Variants in KLHL36 observed in about 807,000 individuals in gnomAD.
KLHL36 encodes the protein kelch-like protein 36.
KLHL36 carries 35 observed loss-of-function variants against 53.3 expected under a neutral mutation model. That is an observed-to-expected ratio of 0.66 (90% CI 0.50 to 0.87). The LOEUF is 0.87. Among genes scored for constraint, KLHL36 ranks in the 40% least tolerant of loss-of-function variants. KLHL36 has a pLI of 0.00. For missense variants in KLHL36, 864 were observed against 897.6 expected (o/e 0.96, Z 0.48); for synonymous variants, 472 against 398.9 (o/e 1.18, Z -2.18).
chr16:84,659,796 C>G lies in KLHL36; in HGVS notation c.1174C>G (p.Leu392Val). The G allele has an allele frequency of 6.2e-7, 1 of 1,614,194 alleles. No individual in the cohort carries two copies. Among genetic ancestry groups the G allele is most frequent in the Non-Finnish European group, 8.5e-7 (1 of 1,180,028 alleles). ...SMNQRRVDFY[L>V]ASIEDMLVAI... ...GAACCAGCGCCGTGTGGATTTCTACCTTGCCTCCATCGAAGACATGCTGGT... is the reference window on the plus strand; with the variant it reads ...GAACCAGCGCCGTGTGGATTTCTACGTTGCCTCCATCGAAGACATGCTGGT... The change falls in exon 4 of 5, where the codon CTT becomes GTT. Residue 392 changes from leucine to valine, a missense_variant. Coordinates refer to ENST00000564996, the MANE Select transcript of KLHL36 (RefSeq NM_024731.4).
chr16:84,658,692 G>T (rs1377448684), intron 3 of KLHL36: 2 of 152,308 alleles, frequency 1.3e-5, no homozygotes, highest in East Asian at 3.8e-4. Flanking sequence ...CGTAGGGAAG[G>T]TGTCTCCTTT....
intron 1 of KLHL36, 29 bp from the exon 2 acceptor site, chr16:84,650,823 C>A: frequency 6.6e-7 from 1 of 1,516,192 alleles, no homozygotes; most frequent in Non-Finnish European, 9.1e-7. Flanking sequence ...GTTATGACTG[C>A]ATGCTCAGAA....
At chr16:84,660,061 A>G in intron 4 of KLHL36, 144 bp downstream of exon 4, 1 of 847,382 alleles carries the variant, frequency 1.2e-6, no homozygotes, top group Non-Finnish European at 1.9e-6. Context: ...TGGGTACACC[A>G]TGAGGGGCGG....
At chr16:84,652,945 C>A (rs1160857741) in intron 2 of KLHL36, among the ~76,000 whole-genome samples, 1 of 152,086 alleles carries the variant, frequency 6.6e-6, no homozygotes. Context: ...CAGCCAGGCA[C>A]AGTGGCTCAC....
At chr16:84,660,037 C>T in intron 4 of KLHL36, 120 bp downstream of exon 4, 7 of 1,033,200 alleles carry the variant, frequency 6.8e-6, no homozygotes, top group Non-Finnish European at 1.0e-5. Context: ...AATCTTCCGG[C>T]TTGTCAGGAA....
In KLHL36 at chr16:84,661,762, A is replaced by G. The variant is rs1187902584; in HGVS notation, c.1480A>G (p.Ser494Gly). Reference protein sequence around the residue: ...GWHSMCSLGDSIYSIGGSDDN... With the variant: ...GWHSMCSLGDGIYSIGGSDDN... ...GCACAGCATGTGCAGCCTGGGTGAC[A>G]GCATCTACTCCATCGGGGGCAGCGA... Residue 494 changes from serine (S) to glycine (G), a missense_variant, in exon 5 of 5, where the codon AGC becomes GGC. By Grantham distance (56) the Ser-to-Gly change is moderately conservative. Coordinates refer to ENST00000564996, the MANE Select transcript of KLHL36 (RefSeq NM_024731.4). This position sits in a 1 kb window ranked among gnomAD's most constrained non-coding sequence, Gnocchi z 7.9. 2 of 1,613,488 alleles carry G rather than the reference A, an allele frequency of 1.2e-6. No individual in the cohort carries two copies. The highest frequency in any genetic ancestry group is 1.7e-5 in the Admixed American group (1 of 60,000).
chr16:84,658,930 C>G (rs1184001086), intron 3 of KLHL36: 1 of 152,080 alleles, frequency 6.6e-6, no homozygotes, highest in Non-Finnish European at 1.5e-5. Flanking sequence ...CTCCCGAAGC[C>G]TGGCAGCAGT....
chr16:84,651,743 T>C (rs1323957258), intron 2 of KLHL36, among the ~76,000 whole-genome samples: 1 of 152,192 alleles, frequency 6.6e-6, no homozygotes, highest in African/African-American at 2.4e-5. Context: ...GAAGGAATTT[T>C]ACTCCTTTTA....
intron 2 of KLHL36, among the ~76,000 whole-genome samples, chr16:84,651,234 G>T (rs1906856448): frequency 6.6e-6 from 1 of 152,280 alleles, no homozygotes; most frequent in South Asian, 2.1e-4. Context: ...GGGACAGGAA[G>T]AAAACTGGGA....
chr16:84,659,393 A>T (rs1216316223), intron 3 of KLHL36: 1 of 211,460 alleles, frequency 4.7e-6, no homozygotes, highest in Non-Finnish European at 9.7e-6. Context: ...TGATGTGGGG[A>T]GAGGAAAGAT....
Position 84,661,513 on chromosome 16 carries a change from C to T in KLHL36, c.1296-65C>T. 2.0e-6 allele frequency: 3 copies of T among 1,480,138 alleles called. No homozygotes were observed. The highest frequency in any genetic ancestry group is 4.3e-5 in the Admixed American group (2 of 46,144). 91.7% of individuals were successfully genotyped at this position (1,480,138 alleles called of 1,614,324 possible). On this transcript the variant is annotated intron_variant, in intron 4 of 4. Transcript: ENST00000564996. This position sits in a 1 kb window ranked among gnomAD's most constrained non-coding sequence, Gnocchi z 7.9. The stretch of plus-strand genomic sequence containing the variant: ...TCTAAGACGGCAGGCTGTTCCCCGG[C>T]TCGGAGGGGGTAAGCCTGGCACAGC...
rs370047546 is a variant in KLHL36, at chr16:84,657,581, C to A, written c.774C>A (p.Pro258=). 139 of 1,610,932 alleles carry A rather than the reference C, an allele frequency of 8.6e-5. No individual in the cohort carries two copies. The highest frequency in any genetic ancestry group is 1.5e-4 in the Admixed American group (9 of 59,990). Residue 258 remains proline (P), a synonymous_variant, in exon 3 of 5, where the codon CCC becomes CCA. Coordinates refer to ENST00000564996, the MANE Select transcript of KLHL36 (RefSeq NM_024731.4). ...RVKPAVCSLL[P]KEANCEGFIE... The stretch of plus-strand genomic sequence containing the variant: ...AGCCGGCCGTGTGCTCGCTGCTGCC[C>A]AAGGAGGCCAACTGCGAGGGCTTCA...
intron 2 of KLHL36, among the ~76,000 whole-genome samples, chr16:84,654,221 G>A (rs910477567): frequency 3.3e-5 from 5 of 152,206 alleles, no homozygotes; most frequent in African/African-American, 7.2e-5. Flanking sequence ...CCTCATATGC[G>A]TCTCTCAGGC....
At position 84,657,222 on chromosome 16, in the gene KLHL36, C is replaced by T. The variant is rs756336495; in HGVS notation, c.415C>T (p.Leu139=). 1.2e-6 allele frequency: 2 copies of T among 1,614,204 alleles called. No individual in the cohort carries two copies. Among genetic ancestry groups the T allele is most frequent in the Admixed American group, 1.7e-5 (1 of 60,028 alleles). The stretch of plus-strand genomic sequence containing the variant: ...GGTGGTAGACTTCTGCTGTGAGTAC[C>T]TGGAGCAGGAGGTGAGCGAGGACAA... ...WTVVDFCCEY[L]EQEVSEDNYL... The change falls in exon 3 of 5, where the codon CTG becomes TTG. Residue 139 remains leucine, a synonymous_variant. Coordinates refer to ENST00000564996, the MANE Select transcript of KLHL36 (RefSeq NM_024731.4).
At chr16:84,649,981 C>G (rs4782647) in intron 1 of KLHL36, among the ~76,000 whole-genome samples, 1 of 144,974 alleles carries the variant, frequency 6.9e-6, no homozygotes, top group Non-Finnish European at 1.5e-5. Flanking sequence ...CCCCGCCCCC[C>G]ACACACCAAA....
intron 2 of KLHL36, among the ~76,000 whole-genome samples, chr16:84,656,200 T>G (rs937155092): frequency 2.6e-5 from 4 of 152,004 alleles, no homozygotes; most frequent in East Asian, 1.9e-4. Context: ...TGGCTTGAAT[T>G]GTTGTGTTGT....
At chr16:84,657,972 T>G in intron 3 of KLHL36, 28 bp downstream of exon 3, 1 of 1,458,434 alleles carries the variant, frequency 6.9e-7, no homozygotes, top group Non-Finnish European at 9.1e-7. Flanking sequence ...TTATTTCTTT[T>G]CTCTTGAGGA....
intron 2 of KLHL36, among the ~76,000 whole-genome samples, chr16:84,653,118 G>A (rs962323462): frequency 2.0e-5 from 3 of 152,166 alleles, no homozygotes; most frequent in African/African-American, 4.8e-5. Flanking sequence ...TCAGGAGGCC[G>A]AGGTGGGAGG....
At position 84,657,035 on chromosome 16, in the gene KLHL36, C is replaced by T. The variant is rs1907246400; in HGVS notation, c.228C>T (p.Thr76=). 3 of 1,614,220 alleles carry T rather than the reference C, an allele frequency of 1.9e-6. No homozygotes were observed. The highest frequency in any genetic ancestry group is 1.1e-5 in the South Asian group (1 of 91,088). ...GCGACTACTTCAACTCCATGTTCAC[C>T]ATCGGCATGCGGGAAGCTTTCCAGA... ...VCSDYFNSMF[T]IGMREAFQKE... The change falls in exon 3 of 5, where the codon ACC becomes ACT. Residue 76 remains threonine (T), a synonymous_variant. Coordinates refer to ENST00000564996, the MANE Select transcript of KLHL36 (RefSeq NM_024731.4).
Sources: allele counts gnomAD v4.1 joint callset (sites outside exome capture counted in the v4.1 genomes callset), GRCh38; gene constraint gnomAD v4.1.1; non-coding constraint Gnocchi (gnomAD v3.1); transcripts MANE v1.5; gene names NCBI Gene and HGNC (gene_info 2026-07-23, HGNC 2026-07-21).